Variants in PARD6G observed in about 807,000 individuals in gnomAD.
PARD6G encodes partitioning defective 6 homolog gamma.
In PARD6G, 7 loss-of-function variants were observed where a neutral mutation model predicts 10.7. That is an observed-to-expected ratio of 0.66 (90% confidence interval 0.37 to 1.23). PARD6G has a LOEUF of 1.23. PARD6G is among the 50% of genes most tolerant of loss of function. The pLI is 0.02. For missense variants in PARD6G, 548 were observed against 571.8 expected (o/e 0.96, Z 0.42); for synonymous variants, 287 against 269.4 (o/e 1.07, Z -0.64).
At position 80,201,032 on chromosome 18, in the gene PARD6G, T is replaced by C. The variant is rs1291044305; in HGVS notation, c.295+1678A>G. 6.6e-6 allele frequency among the ~76,000 whole-genome samples: 1 copy of C among 152,120 alleles called. No homozygotes were observed. The highest frequency in any genetic ancestry group is 1.5e-5 in the Non-Finnish European group (1 of 68,018). Reference sequence around the variant, plus strand: ...TCACACCATTGCTCACCCCACACCATGTGAGCAAATGCTGTGACCTGGGAT... The same window carrying C: ...TCACACCATTGCTCACCCCACACCACGTGAGCAAATGCTGTGACCTGGGAT... On this transcript the variant is annotated intron_variant, in intron 2 of 2. Transcript: ENST00000353265. The surrounding 1 kb of genome is among the most constrained non-coding windows in gnomAD (Gnocchi z 5.9).
intron 1 of PARD6G, among the ~76,000 whole-genome samples, chr18:80,216,703 G>A (rs1967170696): frequency 6.6e-6 from 1 of 151,938 alleles, no homozygotes; most frequent in African/African-American, 2.4e-5. Flanking sequence ...TCCACCATTA[G>A]AAATGAAAAA....
chr18:80,179,553 C>T (rs1449857637), intron 2 of PARD6G, among the ~76,000 whole-genome samples: 5 of 152,222 alleles, frequency 3.3e-5, no homozygotes, highest in Admixed American at 2.0e-4. Flanking sequence ...TCCCCTGCTG[C>T]CCTGGGCCCA....
At chr18:80,165,534 G>C in intron 2 of PARD6G, among the ~76,000 whole-genome samples, 1 of 146,020 alleles carries the variant, frequency 6.8e-6, no homozygotes, top group Non-Finnish European at 1.5e-5. Flanking sequence ...TATATCCTCA[G>C]CTTACGAAGA....
At chr18:80,198,431 G>T (rs368225027) in intron 2 of PARD6G, among the ~76,000 whole-genome samples, 4 of 152,148 alleles carry the variant, frequency 2.6e-5, no homozygotes, top group Admixed American at 2.0e-4. Flanking sequence ...AATATGTACC[G>T]TTGTTTTTAA....
At chr18:80,166,646 G>T (rs2052738022) in intron 2 of PARD6G, among the ~76,000 whole-genome samples, 1 of 151,166 alleles carries the variant, frequency 6.6e-6, no homozygotes, top group South Asian at 2.1e-4. Context: ...AAGCAGGGGA[G>T]GTACGTGCCC....
chr18:80,223,340 T>C (rs1239046805), intron 1 of PARD6G, among the ~76,000 whole-genome samples: 1 of 152,198 alleles, frequency 6.6e-6, no homozygotes, highest in Non-Finnish European at 1.5e-5. Context: ...ATCTATAGAA[T>C]GACAGAAAAT....
At position 80,246,251 on chromosome 18, in the gene PARD6G, A is replaced by C. The variant is rs908346697; in HGVS notation, c.72+1026T>G. 6.6e-6 allele frequency among the ~76,000 whole-genome samples: 1 copy of C among 152,198 alleles called. No individual in the cohort carries two copies. Among genetic ancestry groups the C allele is most frequent in the African/African-American group, 2.4e-5 (1 of 41,444 alleles). ...CTCAACTCCCAGAGAGTAGCCAGCGAAAGACTCGAGGGGCCCCCTCCCGCA... is the reference window on the plus strand; with the variant it reads ...CTCAACTCCCAGAGAGTAGCCAGCGCAAGACTCGAGGGGCCCCCTCCCGCA... On this transcript the variant is annotated intron_variant, in intron 1 of 2. Transcript: ENST00000353265. The surrounding 1 kb of genome is among the most constrained non-coding windows in gnomAD (Gnocchi z 6.7).
At position 80,160,494 on chromosome 18, in the gene PARD6G, G is replaced by C. The variant is rs760118799; in HGVS notation, c.408C>G (p.Leu136=). Reference sequence around the variant, plus strand: ...ATGATACGGGGCGGAAGTCGCGCGGGAGGCCGATGTCCAGGTGTGCACGCC... The same window carrying C: ...ATGATACGGGGCGGAAGTCGCGCGGCAGGCCGATGTCCAGGTGTGCACGCC... The part of the protein sequence containing the change: ...PRRRAHLDIG[L]PRDFRPVSSI... The change falls in exon 3 of 3, where the codon CTC becomes CTG. Residue 136 remains leucine, a synonymous_variant. Transcript: ENST00000353265. 3 of 1,546,670 alleles carry C rather than the reference G, an allele frequency of 1.9e-6. No homozygotes were observed. The Admixed American group carries it at 5.6e-5, about 29-fold the overall frequency.
chr18:80,204,507 G>T (rs1211129713), intron 1 of PARD6G, among the ~76,000 whole-genome samples: 4 of 151,642 alleles, frequency 2.6e-5, no homozygotes, highest in South Asian at 2.1e-4. Context: ...AATTGCTCAA[G>T]AACAAATCTC....
Position 80,188,843 on chromosome 18 carries a change from CG to C in PARD6G, c.295+13866del, listed in dbSNP as rs2052893300. On this transcript the variant is annotated intron_variant, in intron 2 of 2. Transcript: ENST00000353265. The surrounding 1 kb of genome is among the most constrained non-coding windows in gnomAD (Gnocchi z 5.4). ...GAGATGGGCTTGCGGGGAAGTCAGG[CG>C]GGTGCAATCCCTACCGTTTCCCCAC... 6.6e-6 allele frequency among the ~76,000 whole-genome samples: 1 copy of C among 152,130 alleles called. No individual in the cohort carries two copies. The highest frequency in any genetic ancestry group is 2.4e-5 in the African/African-American group (1 of 41,412).
chr18:80,247,143 C>T lies in PARD6G; in HGVS notation c.72+134G>A, dbSNP rs1452517680. ...CCCCAGTGCGCGTCCCGCGGAGCGG[C>T]GCGCGGCGCCCGAACTGGAAAGTTG... On this transcript the variant is annotated intron_variant, in intron 1 of 2. Transcript: ENST00000353265. This position sits in a 1 kb window ranked among gnomAD's most constrained non-coding sequence, Gnocchi z 4.2. 8.8e-6 allele frequency: 5 copies of T among 565,436 alleles called. No individual in the cohort carries two copies. Among genetic ancestry groups the T allele is most frequent in the Non-Finnish European group, 5.6e-6 (2 of 358,116 alleles). 35.0% of individuals were successfully genotyped at this position (565,436 alleles called of 1,614,324 possible). A position where few individuals can be genotyped will look rare whatever the true frequency, so the allele number is the denominator to read the frequency against.
At chr18:80,186,406 C>T (rs111211792) in intron 2 of PARD6G, among the ~76,000 whole-genome samples, 28 of 147,276 alleles carry the variant, frequency 1.9e-4, no homozygotes, top group African/African-American at 6.0e-4. Context: ...CATGCATGCA[C>T]CCTCACACAC....
chr18:80,159,897 C>T lies in PARD6G; in HGVS notation c.1005G>A (p.Leu335=), dbSNP rs773648217. 3 of 1,513,950 alleles carry T rather than the reference C, an allele frequency of 2.0e-6. No homozygotes were observed. In the South Asian group the frequency reaches 3.7e-5, roughly 19 times the overall value. 93.8% of individuals were successfully genotyped at this position (1,513,950 alleles called of 1,614,324 possible). Residue 335 remains leucine, a synonymous_variant, in exon 3 of 3, where the codon CTG becomes CTA. Transcript: ENST00000353265. Reference sequence around the variant, plus strand: ...CGCCGTCCAGGGCCAGGTCCCGCTGCAGCCGCTGCGCCAGGCCCGCGCCAT... The same window carrying T: ...CGCCGTCCAGGGCCAGGTCCCGCTGTAGCCGCTGCGCCAGGCCCGCGCCAT... ...RVNGAGLAQR[L]QRDLALDGGL...
In PARD6G at chr18:80,201,879, C is replaced by T. The variant is rs966452435; in HGVS notation, c.295+831G>A. On this transcript the variant is annotated intron_variant, in intron 2 of 2. Coordinates refer to ENST00000353265, the MANE Select transcript of PARD6G (RefSeq NM_032510.4). This position sits in a 1 kb window ranked among gnomAD's most constrained non-coding sequence, Gnocchi z 5.9. ...CTGCTTCCTCTAGTCTCAGCTCAGC[C>T]TTTCCTCCGGGAAACCTCTCCTAGC... 6.6e-6 allele frequency: 1 copy of T among 152,244 alleles called. No individual in the cohort carries two copies. The highest frequency in any genetic ancestry group is 1.9e-4 in the East Asian group (1 of 5,178). 9.4% of individuals were successfully genotyped at this position (152,244 alleles called of 1,614,324 possible).
At chr18:80,223,480 A>C (rs1483805567) in intron 1 of PARD6G, among the ~76,000 whole-genome samples, 3 of 152,218 alleles carry the variant, frequency 2.0e-5, no homozygotes, top group Admixed American at 6.5e-5. Context: ...GACATTCCCC[A>C]AAAAAGATAC....
chr18:80,238,886 CAGAT>C (rs1351912825), intron 1 of PARD6G, among the ~76,000 whole-genome samples: 1 of 152,100 alleles, frequency 6.6e-6, no homozygotes, highest in Non-Finnish European at 1.5e-5. Flanking sequence ...TGGGAGGTGA[CAGAT>C]AGACTAGTAG....
At position 80,184,544 on chromosome 18, in the gene PARD6G, A is replaced by C. The variant is rs62101574; in HGVS notation, c.295+18166T>G. On this transcript the variant is annotated intron_variant, in intron 2 of 2. Transcript: ENST00000353265. The surrounding 1 kb of genome is among the most constrained non-coding windows in gnomAD (Gnocchi z 4.5). ...GTGAAACCCGCAGCGGGAGCAAGGCAGTGAAACCCTCAGAGGGAGCAAGGC... is the reference window on the plus strand; with the variant it reads ...GTGAAACCCGCAGCGGGAGCAAGGCCGTGAAACCCTCAGAGGGAGCAAGGC... 0.15 allele frequency: 22,733 copies of C among 146,798 alleles called. 2,406 individuals carry two copies. The highest frequency in any genetic ancestry group is 0.45 in the East Asian group (2,302 of 5,084). The allele number at this position is 146,798 out of a possible 1,614,324, so 9.1% of individuals were successfully genotyped here.
At chr18:80,232,330 C>T (rs1458051453) in intron 1 of PARD6G, among the ~76,000 whole-genome samples, 1 of 152,082 alleles carries the variant, frequency 6.6e-6, no homozygotes, top group Non-Finnish European at 1.5e-5. Context: ...GCCAGGCCTG[C>T]AGTCCTGGGC....
intron 2 of PARD6G, among the ~76,000 whole-genome samples, chr18:80,176,806 A>G (rs2052810447): frequency 6.6e-6 from 1 of 152,108 alleles, no homozygotes; most frequent in Non-Finnish European, 1.5e-5. Context: ...GCAAAACATG[A>G]TCTATGTAAA....
Sources: gnomAD v4.1 joint callset for allele counts (sites outside exome capture counted in the v4.1 genomes callset) on GRCh38, gnomAD v4.1.1 for gene constraint, Gnocchi (gnomAD v3.1) non-coding constraint, MANE v1.5 for transcripts, NCBI Gene and HGNC (gene_info 2026-07-23, HGNC 2026-07-21) for gene names.